CDKAL1: variants seen among roughly 807,000 people sequenced by gnomAD.
The protein encoded by CDKAL1 is CDKAL1 threonylcarbamoyladenosine tRNA methylthiotransferase.
Under a neutral mutation model 68.2 loss-of-function variants are expected in CDKAL1, and 32 were observed. The ratio of observed to expected loss-of-function variants is 0.47; its 90% CI spans 0.35 to 0.63. The LOEUF (loss-of-function observed/expected upper bound fraction) is 0.63. Ranked by LOEUF, CDKAL1 falls within the 30% of genes least tolerant of loss-of-function variation. The probability of loss-of-function intolerance (pLI) is 0.00; values close to 1 mark genes in which losing one functional copy is unlikely to be tolerated. For synonymous variants in CDKAL1, 234 were observed against 244.3 expected, an observed-to-expected ratio of 0.96 and a Z score of 0.39; for missense variants, 606 against 696.7, an observed-to-expected ratio of 0.87 and a Z score of 1.47.
chr6:21,177,217 CA>C (rs56728712), intron 13 of CDKAL1, among the ~76,000 whole-genome samples: 9,021 of 152,146 alleles, frequency 0.059, 320 homozygotes, highest in Non-Finnish European at 0.075. Context: ...TCAAATATTG[CA>C]TTGTTTTTAA....
chr6:20,937,957 T>C (rs555091754), intron 9 of CDKAL1, among the ~76,000 whole-genome samples: 19 of 152,130 alleles, frequency 1.2e-4, no homozygotes, highest in Non-Finnish European at 1.3e-4. Flanking sequence ...TTAGCATCCA[T>C]GGATGATCCT....
At chr6:20,684,041 C>T (rs1053598911) in intron 5 of CDKAL1, among the ~76,000 whole-genome samples, 2 of 152,108 alleles carry the variant, frequency 1.3e-5, no homozygotes, top group South Asian at 2.1e-4. Flanking sequence ...TCTTGATGGC[C>T]CATTTTTTAG....
At chr6:20,748,556 A>G (rs1304595663) in intron 6 of CDKAL1, among the ~76,000 whole-genome samples, 608 of 6,412 alleles carry the variant, frequency 0.095, 6 homozygotes, top group African/African-American at 0.19. Flanking sequence ...CTGTTTCTGG[A>G]AAAAAAAAAA....
intron 5 of CDKAL1, among the ~76,000 whole-genome samples, chr6:20,658,081 A>C (rs993053002): frequency 1.4e-4 from 21 of 152,256 alleles, no homozygotes; most frequent in Non-Finnish European, 1.5e-5. Context: ...GTATCAAATC[A>C]AAAAACTCCT....
chr6:20,981,909 C>T (rs1394995520), intron 10 of CDKAL1, among the ~76,000 whole-genome samples: 1 of 152,188 alleles, frequency 6.6e-6, no homozygotes, highest in African/African-American at 2.4e-5. Context: ...CAGCATATTA[C>T]ACATTTTGTT....
chr6:20,676,581 G>C (rs2127786666), intron 5 of CDKAL1, among the ~76,000 whole-genome samples: 1 of 151,856 alleles, frequency 6.6e-6, no homozygotes. Flanking sequence ...ACAGGAGAAT[G>C]GTATGAACCC....
rs58042681 is a variant in CDKAL1, at chr6:21,214,874, GATGAATGA to G, written c.1548+13631_1548+13638del. 1.5e-3 allele frequency among the ~76,000 whole-genome samples: 230 copies of G among 149,786 alleles called. 1 individual carries two copies. The highest frequency in any genetic ancestry group is 4.5e-3 in the African/African-American group (182 of 40,724). Reference sequence around the variant, plus strand: ...GCAAATGCTCAGTAAACGTCTGTTGGATGAATGAATGAATGAATGAATGAATGAATGAA... The same window carrying G: ...GCAAATGCTCAGTAAACGTCTGTTGGATGAATGAATGAATGAATGAATGAA... On this transcript the variant is annotated intron_variant, in intron 15 of 15. Transcript: ENST00000274695.
intron 8 of CDKAL1, among the ~76,000 whole-genome samples, chr6:20,840,883 TC>T (rs1778147671): frequency 6.6e-6 from 1 of 152,220 alleles, no homozygotes; most frequent in Admixed American, 6.5e-5. Context: ...ACTTTTGGTT[TC>T]TTGGGTTTTT....
intron 15 of CDKAL1, among the ~76,000 whole-genome samples, chr6:21,205,623 T>G (rs371969793): frequency 7.1e-6 from 1 of 140,410 alleles, no homozygotes; most frequent in African/African-American, 2.6e-5. Flanking sequence ...CTCCGCCTCC[T>G]GGGTTCACGC....
chr6:20,958,977 CG>C (rs1490641440), intron 10 of CDKAL1, among the ~76,000 whole-genome samples: 1 of 151,980 alleles, frequency 6.6e-6, no homozygotes, highest in Non-Finnish European at 1.5e-5. Context: ...AAAAGTATGC[CG>C]GGGAAAGATA....
chr6:20,986,750 A>G (rs1438100966), intron 10 of CDKAL1, among the ~76,000 whole-genome samples: 3 of 152,236 alleles, frequency 2.0e-5, no homozygotes, highest in Non-Finnish European at 2.9e-5. Context: ...TATTAGACTT[A>G]GAAAAGCCAG....
At chr6:20,818,812 A>G (rs953475262) in intron 8 of CDKAL1, among the ~76,000 whole-genome samples, 3 of 151,842 alleles carry the variant, frequency 2.0e-5, no homozygotes, top group Non-Finnish European at 2.9e-5. Flanking sequence ...TCACAGTGAG[A>G]TAATGTAATA....
At chr6:20,655,749 A>G (rs748457311) in intron 5 of CDKAL1, among the ~76,000 whole-genome samples, 2 of 152,138 alleles carry the variant, frequency 1.3e-5, no homozygotes, top group Non-Finnish European at 1.5e-5. Context: ...CTTGGTGCCA[A>G]AAATGTTGGG....
intron 5 of CDKAL1, among the ~76,000 whole-genome samples, chr6:20,670,629 G>C (rs981044542): frequency 6.6e-6 from 1 of 152,126 alleles, no homozygotes; most frequent in African/African-American, 2.4e-5. Flanking sequence ...CTGTAAGGAA[G>C]AGTGGTCTCT....
chr6:20,546,766 C>T (rs1342194431), intron 3 of CDKAL1, among the ~76,000 whole-genome samples: 1 of 152,086 alleles, frequency 6.6e-6, no homozygotes, highest in Non-Finnish European at 1.5e-5. Flanking sequence ...GTTGGCCAGG[C>T]TGGTCTTGAA....
chr6:20,971,151 C>G (rs935655236), intron 10 of CDKAL1, among the ~76,000 whole-genome samples: 3 of 152,158 alleles, frequency 2.0e-5, no homozygotes, highest in African/African-American at 7.2e-5. Flanking sequence ...CACGGCCTCT[C>G]TCCCTGTTAA....
chr6:21,053,981 C>T (rs78690719), intron 11 of CDKAL1, among the ~76,000 whole-genome samples: 6,366 of 152,098 alleles, frequency 0.042, 207 homozygotes, highest in East Asian at 0.15. Context: ...TTTACTTTTA[C>T]GGATTGTGCT....
At chr6:21,225,101 G>C (rs1223479925) in intron 15 of CDKAL1, among the ~76,000 whole-genome samples, 1 of 152,134 alleles carries the variant, frequency 6.6e-6, no homozygotes, top group Non-Finnish European at 1.5e-5. Context: ...CACGCTTAGG[G>C]TGATGCAGGA....
chr6:20,785,378 C>T (rs1160712196), intron 8 of CDKAL1, among the ~76,000 whole-genome samples: 3 of 148,336 alleles, frequency 2.0e-5, no homozygotes, highest in South Asian at 2.1e-4. Flanking sequence ...TGCAGTGGCA[C>T]GATCTTGGCT....
Sources: gnomAD v4.1 joint callset for allele counts (sites outside exome capture counted in the v4.1 genomes callset) on GRCh38, gnomAD v4.1.1 for gene constraint, MANE v1.5 for transcripts, NCBI Gene and HGNC (gene_info 2026-07-23, HGNC 2026-07-21) for gene names.